The following GRM5 variants were observed in gnomAD, a reference collection of about 807,000 sequenced individuals.
GRM5 encodes glutamate metabotropic receptor 5.
In GRM5, 19 loss-of-function variants were observed where a neutral mutation model predicts 83.1. That is an observed-to-expected ratio of 0.23 (90% CI 0.16 to 0.34). The LOEUF is 0.34. GRM5 is among the 10% of genes least tolerant of loss of function. GRM5 has a pLI of 1.00. For synonymous variants in GRM5, 675 were observed against 633.6 expected (o/e 1.07, Z -0.98); for missense variants, 1,160 against 1,588.3 (o/e 0.73, Z 4.58).
intron 3 of GRM5, among the ~76,000 whole-genome samples, chr11:88,705,232 G>A (rs1941127310): frequency 1.3e-5 from 2 of 152,014 alleles, no homozygotes; most frequent in Non-Finnish European, 2.9e-5. Context: ...ATCACCTGAC[G>A]AGCTTGAAGA....
intron 2 of GRM5, among the ~76,000 whole-genome samples, chr11:88,940,465 T>G (rs1938055245): frequency 6.6e-6 from 1 of 151,120 alleles, no homozygotes; most frequent in African/African-American, 2.4e-5. Flanking sequence ...AGCGCTCCCA[T>G]TATACAGTTT....
intron 8 of GRM5, among the ~76,000 whole-genome samples, chr11:88,561,395 G>C (rs2135162439): frequency 6.6e-6 from 1 of 152,256 alleles, no homozygotes; most frequent in African/African-American, 2.4e-5. Flanking sequence ...GAATCCCAGG[G>C]GAGGGTTTTG....
chr11:88,930,029 C>T (rs1339098933), intron 2 of GRM5, among the ~76,000 whole-genome samples: 3 of 152,068 alleles, frequency 2.0e-5, no homozygotes, highest in South Asian at 2.1e-4. Flanking sequence ...TCTCTCCAAA[C>T]GTTTTTTGGT....
chr11:88,879,657 G>A (rs1172598536), intron 2 of GRM5, among the ~76,000 whole-genome samples: 2 of 151,786 alleles, frequency 1.3e-5, no homozygotes, highest in Non-Finnish European at 2.9e-5. Flanking sequence ...GTATTTATAT[G>A]AGCATATTTT....
chr11:89,027,653 TGAAAG>T (rs1463592632), intron 2 of GRM5, among the ~76,000 whole-genome samples: 1 of 152,210 alleles, frequency 6.6e-6, no homozygotes. Context: ...ATCTAAATCC[TGAAAG>T]GAAACACTTC....
intron 2 of GRM5, among the ~76,000 whole-genome samples, chr11:88,912,307 C>T (rs2135612134): frequency 6.6e-6 from 1 of 151,714 alleles, no homozygotes; most frequent in East Asian, 1.9e-4. Context: ...ATGTTTGTTA[C>T]TTTCTTAAAG....
rs184717523 is a variant in GRM5 at position 88,871,942 on chromosome 11, C to T, written c.662-21787G>A. Among the ~76,000 whole-genome samples the T allele has an allele frequency of 4.0e-3, 602 of 151,256 alleles. 2 individuals carry two copies. Among genetic ancestry groups the T allele is most frequent in the African/African-American group, 0.014 (563 of 41,378 alleles). ...AAGTTCAATAGAATTCATTAACATA[C>T]TGAAGGTCACAAAATTAATAAATGT... On this transcript the variant is annotated intron_variant, in intron 2 of 9. Transcript: ENST00000305447.
chr11:88,708,806 A>G (rs1273009190), intron 3 of GRM5, among the ~76,000 whole-genome samples: 2 of 152,100 alleles, frequency 1.3e-5, no homozygotes, highest in Non-Finnish European at 2.9e-5. Flanking sequence ...TGAATACTCT[A>G]GAGATACCAC....
chr11:89,002,861 T>C (rs1212601573), intron 2 of GRM5, among the ~76,000 whole-genome samples: 1 of 152,120 alleles, frequency 6.6e-6, no homozygotes, highest in Non-Finnish European at 1.5e-5. Flanking sequence ...TTTCAGATCA[T>C]TGCTCTAAAG....
chr11:88,778,788 A>T (rs1412898452), intron 3 of GRM5, among the ~76,000 whole-genome samples: 2 of 152,188 alleles, frequency 1.3e-5, no homozygotes, highest in Non-Finnish European at 2.9e-5. Flanking sequence ...GGATATTTTT[A>T]AACAAAAATG....
intron 1 of GRM5, among the ~76,000 whole-genome samples, chr11:89,051,481 G>A (rs931491871): frequency 6.6e-6 from 1 of 151,888 alleles, no homozygotes; most frequent in African/African-American, 2.4e-5. Context: ...AGGCCGAGGC[G>A]GGCAGTTCAC....
chr11:88,807,999 A>G (rs12294005), intron 3 of GRM5, among the ~76,000 whole-genome samples: 3,864 of 152,098 alleles, frequency 0.025, 170 homozygotes, highest in African/African-American at 0.089. Context: ...ATATGTTTTC[A>G]TAGAATATTC....
chr11:88,780,822 A>G (rs1346626147), intron 3 of GRM5, among the ~76,000 whole-genome samples: 1 of 151,950 alleles, frequency 6.6e-6, no homozygotes, highest in African/African-American at 2.4e-5. Context: ...GACCCTGTAT[A>G]TTTTTCCTAT....
intron 3 of GRM5, among the ~76,000 whole-genome samples, chr11:88,799,305 A>T (rs1396608296): frequency 6.6e-6 from 1 of 152,058 alleles, no homozygotes; most frequent in Non-Finnish European, 1.5e-5. Context: ...TGAAGATTTA[A>T]AGCTAACCGT....
intron 3 of GRM5, 31 bp from the exon 4 acceptor site, chr11:88,653,434 G>T: frequency 6.9e-7 from 1 of 1,448,316 alleles, no homozygotes. Flanking sequence ...CCTCAGCTTA[G>T]AACAGATATC....
intron 9 of GRM5, chr11:88,523,911 T>C (rs1317623944): frequency 6.6e-6 from 1 of 152,212 alleles, no homozygotes; most frequent in Admixed American, 6.5e-5. Context: ...ATCTTCTTGT[T>C]ATGCAATTAG....
At chr11:89,057,415 A>G (rs192664746) in intron 1 of GRM5, among the ~76,000 whole-genome samples, 1 of 152,174 alleles carries the variant, frequency 6.6e-6, no homozygotes, top group African/African-American at 2.4e-5. Context: ...GCCCCACAAA[A>G]TATAGGCCAT....
At chr11:88,666,522 C>G (rs1454446629) in intron 3 of GRM5, among the ~76,000 whole-genome samples, 1 of 152,220 alleles carries the variant, frequency 6.6e-6, no homozygotes, top group Non-Finnish European at 1.5e-5. Flanking sequence ...GATGAGGGAT[C>G]TGCCCTCATA....
chr11:88,661,469 T>C (rs1408605588), intron 3 of GRM5, among the ~76,000 whole-genome samples: 1 of 152,118 alleles, frequency 6.6e-6, no homozygotes, highest in Non-Finnish European at 1.5e-5. Flanking sequence ...ATTTTTTTTT[T>C]CAAAATCTGT....
Sources: gnomAD v4.1 joint callset for allele counts (sites outside exome capture counted in the v4.1 genomes callset) on GRCh38, gnomAD v4.1.1 for gene constraint, MANE v1.5 for transcripts, NCBI Gene and HGNC (gene_info 2026-07-23, HGNC 2026-07-21) for gene names.